KCMF1: variants seen among roughly 807,000 people sequenced by gnomAD.
KCMF1 encodes the protein potassium channel modulatory factor 1, also known as E3 ubiquitin-protein ligase KCMF1.
In KCMF1, 3 loss-of-function variants were observed where a neutral mutation model predicts 41.1. The ratio of observed to expected loss-of-function variants is 0.07; its 90% confidence interval spans 0.03 to 0.19. KCMF1 has a LOEUF of 0.19. Among genes scored for constraint, KCMF1 ranks in the 10% least tolerant of loss-of-function variants. The probability of loss-of-function intolerance (pLI) is 1.00; values close to 1 mark genes in which losing one functional copy is unlikely to be tolerated. For missense variants in KCMF1, 286 were observed against 488.9 expected (o/e 0.58, Z 3.91); for synonymous variants, 142 against 164.5 (o/e 0.86, Z 1.04).
chr2:84,982,985 C>A (rs1182203441), intron 1 of KCMF1, among the ~76,000 whole-genome samples: 1 of 152,104 alleles, frequency 6.6e-6, no homozygotes, highest in Non-Finnish European at 1.5e-5. Context: ...TACAAGTGTT[C>A]CTATATTAGA....
chr2:85,028,780 G>A (rs557004429), intron 2 of KCMF1, among the ~76,000 whole-genome samples: 3 of 151,996 alleles, frequency 2.0e-5, no homozygotes, highest in South Asian at 4.2e-4. Flanking sequence ...AAGCCACCGC[G>A]CCCGGCCTTA....
chr2:85,029,815 G>A lies in KCMF1; in HGVS notation c.184+1759G>A, dbSNP rs556722782. The stretch of plus-strand genomic sequence containing the variant: ...TCCTGCCTCAGCCTCCTGAATAGCT[G>A]GGATTACAGGTGCCCGCCACCATGC... On this transcript the variant is annotated intron_variant, in intron 2 of 6. Transcript: ENST00000409785. Among the ~76,000 whole-genome samples, 5 of 151,276 alleles carry A rather than the reference G, an allele frequency of 3.3e-5. No homozygotes were observed. In the East Asian group the frequency reaches 7.8e-4, roughly 24 times the overall value.
intron 3 of KCMF1, among the ~76,000 whole-genome samples, chr2:85,036,165 A>G (rs1253891681): frequency 1.3e-5 from 2 of 152,238 alleles, no homozygotes; most frequent in Admixed American, 6.5e-5. Flanking sequence ...TATAACATGT[A>G]TAGTTCAAAC....
chr2:85,033,493 G>A (rs1362476412), intron 2 of KCMF1, among the ~76,000 whole-genome samples: 2 of 152,206 alleles, frequency 1.3e-5, no homozygotes, highest in Non-Finnish European at 2.9e-5. Flanking sequence ...GTCGACTTCA[G>A]GTGAGGGCCT....
intron 1 of KCMF1, among the ~76,000 whole-genome samples, chr2:84,987,029 C>A (rs2103972656): frequency 6.6e-6 from 1 of 152,292 alleles, no homozygotes; most frequent in Admixed American, 6.5e-5. Context: ...TAGCTACTCT[C>A]TAAGGCCTTT....
chr2:85,037,297 T>A (rs1028739579), intron 3 of KCMF1, among the ~76,000 whole-genome samples: 2 of 152,150 alleles, frequency 1.3e-5, no homozygotes, highest in African/African-American at 4.8e-5. Flanking sequence ...CCTAGACATT[T>A]CAAAGTGAAA....
At chr2:85,008,124 C>T (rs922572805) in intron 1 of KCMF1, among the ~76,000 whole-genome samples, 1 of 150,782 alleles carries the variant, frequency 6.6e-6, no homozygotes, top group African/African-American at 2.4e-5. Flanking sequence ...ACCTCTGTTC[C>T]TAGAGGAATC....
At chr2:85,047,596 T>TAA (rs202167081) in intron 5 of KCMF1, among the ~76,000 whole-genome samples, 27 of 132,026 alleles carry the variant, frequency 2.0e-4, no homozygotes, top group East Asian at 2.1e-4. Flanking sequence ...GGAAAAATCT[T>TAA]AAAAAAAAAA....
intron 1 of KCMF1, among the ~76,000 whole-genome samples, chr2:84,983,134 A>G (rs1199939153): frequency 1.3e-5 from 2 of 152,224 alleles, no homozygotes; most frequent in Non-Finnish European, 2.9e-5. Context: ...CAGAATTGGC[A>G]TAGACCATTG....
intron 1 of KCMF1, among the ~76,000 whole-genome samples, chr2:85,024,768 A>G (rs1405548071): frequency 6.6e-6 from 1 of 152,002 alleles, no homozygotes; most frequent in African/African-American, 2.4e-5. Flanking sequence ...ATATGGGGAG[A>G]GATCCAATTC....
chr2:85,046,274 A>G lies in KCMF1; in HGVS notation c.597A>G (p.Ile199Met). 1 of 1,610,570 alleles carries G rather than the reference A, an allele frequency of 6.2e-7. No homozygotes were observed. The highest frequency in any genetic ancestry group is 8.5e-7 in the Non-Finnish European group (1 of 1,178,176). The change falls in exon 5 of 7, where the codon ATA becomes ATG. Residue 199 changes from isoleucine to methionine, a missense_variant. Coordinates refer to ENST00000409785, the MANE Select transcript of KCMF1 (RefSeq NM_020122.5). ...GCAATAGGGAAGCCATGGATCCTAT[A>G]GCTGGTAAGTTAGTTTCACATTAAT... Reference protein sequence around the residue: ...SPSNREAMDPIAELLSQLSGV... With the variant: ...SPSNREAMDPMAELLSQLSGV...
chr2:85,040,854 G>A (rs1270537769), intron 3 of KCMF1, among the ~76,000 whole-genome samples: 4 of 151,436 alleles, frequency 2.6e-5, no homozygotes, highest in African/African-American at 7.3e-5. Flanking sequence ...TCCGCTTCCC[G>A]GGTTCAAGTG....
At chr2:85,021,752 C>T (rs546548552) in intron 1 of KCMF1, among the ~76,000 whole-genome samples, 32 of 151,946 alleles carry the variant, frequency 2.1e-4, no homozygotes, top group Non-Finnish European at 3.5e-4. Context: ...GAGCAGAGAA[C>T]ATTGATTTGT....
At chr2:85,024,357 C>G (rs753615416) in intron 1 of KCMF1, among the ~76,000 whole-genome samples, 30 of 152,216 alleles carry the variant, frequency 2.0e-4, no homozygotes, top group Admixed American at 3.3e-4. Context: ...CCTATGATCC[C>G]AACTCCTTGG....
rs548191612 is a variant in KCMF1, at chr2:85,055,482, G to A, written c.*2073G>A. 6.6e-6 allele frequency: 1 copy of A among 152,268 alleles called. No homozygotes were observed. The highest frequency in any genetic ancestry group is 2.1e-4 in the South Asian group (1 of 4,820). 9.4% of individuals were successfully genotyped at this position (152,268 alleles called of 1,614,324 possible). A position where few individuals can be genotyped will look rare whatever the true frequency, so the allele number is the denominator to read the frequency against. On this transcript the variant is annotated 3_prime_UTR_variant, in exon 7 of 7. Coordinates refer to ENST00000409785, the MANE Select transcript of KCMF1 (RefSeq NM_020122.5). ...TTTAACATGGTTTTAGGGAACAACT[G>A]TAAGTCCATTCAGAGCAGTTTAATT...
intron 2 of KCMF1, among the ~76,000 whole-genome samples, chr2:85,029,359 G>T (rs1397351655): frequency 2.6e-5 from 4 of 152,124 alleles, no homozygotes; most frequent in Non-Finnish European, 4.4e-5. Flanking sequence ...AAGATGGTCA[G>T]ATCACTTGAG....
intron 1 of KCMF1, among the ~76,000 whole-genome samples, chr2:85,021,353 G>A (rs1674932909): frequency 6.6e-6 from 1 of 152,216 alleles, no homozygotes; most frequent in Non-Finnish European, 1.5e-5. Context: ...GCCGGGCGCG[G>A]TGGCTCACGC....
chr2:84,994,632 A>G (rs968438128), intron 1 of KCMF1, among the ~76,000 whole-genome samples: 20 of 149,004 alleles, frequency 1.3e-4, no homozygotes, highest in Admixed American at 6.0e-4. Context: ...CAAACTCCCA[A>G]CCTCAGCTGA....
intron 1 of KCMF1, among the ~76,000 whole-genome samples, chr2:84,993,563 A>G (rs1300548036): frequency 3.3e-5 from 5 of 150,764 alleles, no homozygotes; most frequent in Non-Finnish European, 7.4e-5. Context: ...TTATTTATTT[A>G]TTTATTTATT....
Sources: allele counts gnomAD v4.1 joint callset (sites outside exome capture counted in the v4.1 genomes callset), GRCh38; gene constraint gnomAD v4.1.1; transcripts MANE v1.5; gene names NCBI Gene and HGNC (gene_info 2026-07-23, HGNC 2026-07-21).